The following NCKAP5 variants were observed in gnomAD, a reference collection of about 807,000 sequenced individuals.
NCKAP5 encodes the protein NCK associated protein 5.
NCKAP5 carries 92 observed loss-of-function variants against 167.0 expected under a neutral mutation model. That is an observed-to-expected ratio of 0.55 (90% confidence interval 0.47 to 0.66). The LOEUF is 0.66. Ranked by LOEUF, NCKAP5 falls within the 30% of genes least tolerant of loss-of-function variation. The pLI is 0.00. For synonymous variants in NCKAP5, 891 were observed against 877.4 expected, an observed-to-expected ratio of 1.02 and a Z score of -0.27; for missense variants, 2,378 against 2,315.0, an observed-to-expected ratio of 1.03 and a Z score of -0.56.
At chr2:133,101,511 G>A (rs910672054) in intron 6 of NCKAP5, among the ~76,000 whole-genome samples, 8 of 145,706 alleles carry the variant, frequency 5.5e-5, no homozygotes, top group South Asian at 4.6e-4. Context: ...CCATTTTCAC[G>A]ATATTGATTC....
intron 3 of NCKAP5, among the ~76,000 whole-genome samples, chr2:133,311,656 T>C (rs1439788751): frequency 6.6e-6 from 1 of 152,130 alleles, no homozygotes; most frequent in Non-Finnish European, 1.5e-5. Flanking sequence ...AAGATGATCC[T>C]ATCACCCAGA....
chr2:132,848,231 G>A (rs1459619620), intron 11 of NCKAP5, among the ~76,000 whole-genome samples: 21 of 152,182 alleles, frequency 1.4e-4, no homozygotes, highest in Admixed American at 1.4e-3. Context: ...TCCTGATATA[G>A]AATTAAGTCA....
At chr2:133,458,735 G>C (rs1692009651) in intron 3 of NCKAP5, among the ~76,000 whole-genome samples, 1 of 152,114 alleles carries the variant, frequency 6.6e-6, no homozygotes. Context: ...GCAAGAGGAG[G>C]ATCTGGGTGG....
chr2:132,697,759 G>T (rs575734766), intron 19 of NCKAP5, among the ~76,000 whole-genome samples: 47 of 152,288 alleles, frequency 3.1e-4, no homozygotes, highest in Middle Eastern at 3.4e-3. Flanking sequence ...GAAAGTAAAA[G>T]AATTCAAGAA....
intron 2 of NCKAP5, chr2:133,556,770 T>A (rs1687768795): frequency 6.6e-6 from 1 of 152,216 alleles, no homozygotes; most frequent in Non-Finnish European, 1.5e-5. Flanking sequence ...AGGAGTGACC[T>A]TTGCCTTGAT....
intron 8 of NCKAP5, among the ~76,000 whole-genome samples, chr2:132,883,307 T>A (rs10193184): frequency 0.012 from 1,830 of 152,098 alleles, 36 homozygotes; most frequent in African/African-American, 0.042. Flanking sequence ...TTTCTCTCCT[T>A]TTTTCCTGCT....
intron 3 of NCKAP5, among the ~76,000 whole-genome samples, chr2:133,320,620 C>A (rs761172506): frequency 6.6e-6 from 1 of 151,910 alleles, no homozygotes; most frequent in African/African-American, 2.4e-5. Flanking sequence ...CCCAGCTACT[C>A]GGGAGGCTGA....
At chr2:133,267,064 G>C (rs1029421044) in intron 4 of NCKAP5, among the ~76,000 whole-genome samples, 1 of 151,920 alleles carries the variant, frequency 6.6e-6, no homozygotes, top group Non-Finnish European at 1.5e-5. Context: ...ACAAATCTCC[G>C]CCTGGAGCTG....
chr2:133,023,943 T>C (rs1266130829), intron 6 of NCKAP5, among the ~76,000 whole-genome samples: 1 of 152,194 alleles, frequency 6.6e-6, no homozygotes, highest in East Asian at 1.9e-4. Flanking sequence ...TTATTCCCTA[T>C]CAGTCCTTAC....
At chr2:133,193,465 A>G (rs551947373) in intron 5 of NCKAP5, among the ~76,000 whole-genome samples, 1 of 152,274 alleles carries the variant, frequency 6.6e-6, no homozygotes, top group African/African-American at 2.4e-5. Context: ...TACAGTAGTT[A>G]TCTAGCAATG....
intron 6 of NCKAP5, among the ~76,000 whole-genome samples, chr2:133,111,756 A>G (rs1004541114): frequency 4.6e-5 from 7 of 152,182 alleles, no homozygotes; most frequent in Non-Finnish European, 8.8e-5. Context: ...TTCCAATTTC[A>G]TTCAAGAGCC....
At chr2:132,997,173 C>A (rs1370597) in intron 6 of NCKAP5, among the ~76,000 whole-genome samples, 8,209 of 152,204 alleles carry the variant, frequency 0.054, 363 homozygotes, top group Non-Finnish European at 0.067. Flanking sequence ...TAATATGGCA[C>A]GTAACTACTC....
chr2:133,132,403 G>A (rs1292490021), intron 5 of NCKAP5, among the ~76,000 whole-genome samples: 1 of 149,958 alleles, frequency 6.7e-6, no homozygotes, highest in Non-Finnish European at 1.5e-5. Flanking sequence ...CCAAAAACAT[G>A]ATCATGAGAG....
chr2:133,094,106 A>G (rs1402791043), intron 6 of NCKAP5, among the ~76,000 whole-genome samples: 2 of 152,238 alleles, frequency 1.3e-5, no homozygotes, highest in African/African-American at 2.4e-5. Context: ...GCCAAGCAAT[A>G]TGGAAGTATT....
At chr2:133,271,183 C>T (rs1378860938) in intron 4 of NCKAP5, among the ~76,000 whole-genome samples, 3 of 151,528 alleles carry the variant, frequency 2.0e-5, no homozygotes, top group Admixed American at 6.6e-5. Context: ...CCACCAGCCT[C>T]GGCCTCCCAA....
chr2:133,572,221 C>A (rs1392420664), upstream of NCKAP5, among the ~76,000 whole-genome samples: 2 of 152,192 alleles, frequency 1.3e-5, no homozygotes, highest in Admixed American at 1.3e-4. Flanking sequence ...AGTTAGTAAA[C>A]TAATATGAAC....
chr2:133,169,858 G>A (rs16857928), intron 5 of NCKAP5, among the ~76,000 whole-genome samples: 4,915 of 152,232 alleles, frequency 0.032, 254 homozygotes, highest in African/African-American at 0.11. Context: ...TGGCTGCCAA[G>A]GTAAGGCATT....
At chr2:133,483,591 G>A (rs879366185) in intron 3 of NCKAP5, among the ~76,000 whole-genome samples, 2 of 142,632 alleles carry the variant, frequency 1.4e-5, no homozygotes, top group African/African-American at 2.6e-5. Flanking sequence ...AGATTAATAC[G>A]TTTTTGAGAA....
intron 5 of NCKAP5, among the ~76,000 whole-genome samples, chr2:133,188,900 C>G (rs1300730984): frequency 6.6e-6 from 1 of 152,042 alleles, no homozygotes; most frequent in Admixed American, 6.6e-5. Context: ...CAAACACATT[C>G]AAAAGCTAGC....
Sources: allele counts gnomAD v4.1 joint callset (sites outside exome capture counted in the v4.1 genomes callset), GRCh38; gene constraint gnomAD v4.1.1; transcripts MANE v1.5; gene names NCBI Gene and HGNC (gene_info 2026-07-23, HGNC 2026-07-21).